Variants in LRRC56 observed in about 807,000 individuals in gnomAD.
LRRC56 encodes leucine-rich repeat-containing protein 56.
LRRC56 carries 41 observed loss-of-function variants against 47.8 expected under a neutral mutation model. The observed-to-expected ratio is 0.86, with a 90% CI of 0.67 to 1.11. The LOEUF is 1.11. Ranked by LOEUF, LRRC56 falls within the 50% of genes most tolerant of loss-of-function variation. The probability of loss-of-function intolerance (pLI) is 0.00; values close to 1 mark genes in which losing one functional copy is unlikely to be tolerated. For synonymous variants in LRRC56, 387 were observed against 311.2 expected, an observed-to-expected ratio of 1.24 and a Z score of -2.56; for missense variants, 759 against 704.2, an observed-to-expected ratio of 1.08 and a Z score of -0.88.
At chr11:518,862 G>T in the LRRC56 span, among the ~76,000 whole-genome samples, 194 of 151,926 alleles carry the variant, frequency 1.3e-3, 2 homozygotes, top group African/African-American at 4.5e-3. Flanking sequence ...GCGAGGCCGG[G>T]ACTCGGGCGC....
At chr11:540,598 T>C in intron 3 of LRRC56, 76 bp from the exon 4 acceptor site, 1 of 1,331,066 alleles carries the variant, frequency 7.5e-7, no homozygotes. Flanking sequence ...GGTTGAGGGC[T>C]GGGCCAGGGT....
Position 551,731 on chromosome 11 carries a change from T to C in LRRC56, c.877T>C (p.Trp293Arg), listed in dbSNP as rs1352990722. ...GACGCAGTCCCGGGCCTCCAGGCCC[T>C]GGCCCTTCTCCCTGCTGGTCCGTGG... Reference protein sequence around the residue: ...PETQSRASRPWPFSLLVRGGP... With the variant: ...PETQSRASRPRPFSLLVRGGP... The change falls in exon 10 of 14, where the codon TGG becomes CGG. Residue 293 changes from tryptophan (W) to arginine (R), a missense_variant. Coordinates refer to ENST00000270115, the MANE Select transcript of LRRC56 (RefSeq NM_198075.4). 1 of 1,611,456 alleles carries C rather than the reference T, an allele frequency of 6.2e-7. No homozygotes were observed. The highest frequency in any genetic ancestry group is 1.3e-5 in the African/African-American group (1 of 74,916).
the LRRC56 span, among the ~76,000 whole-genome samples, chr11:517,751 AAGAG>A: frequency 2.0e-5 from 3 of 152,174 alleles, no homozygotes; most frequent in Admixed American, 1.3e-4. Context: ...GGGGAAAAGA[AAGAG>A]AGGTCAGATT....
At chr11:547,872 A>C (rs578077633) in intron 6 of LRRC56, among the ~76,000 whole-genome samples, 41 of 152,242 alleles carry the variant, frequency 2.7e-4, no homozygotes, top group African/African-American at 8.7e-4. Context: ...TCACACCTGT[A>C]ATCCCAGCAC....
chr11:523,617 A>C, the LRRC56 span, among the ~76,000 whole-genome samples: 5 of 96,568 alleles, frequency 5.2e-5, no homozygotes, highest in African/African-American at 1.7e-4. Flanking sequence ...GGCAACAGAG[A>C]CTCCATCTAA....
chr11:518,616 CCCGGCCG>C, the LRRC56 span, among the ~76,000 whole-genome samples: 32 of 152,326 alleles, frequency 2.1e-4, no homozygotes, highest in African/African-American at 7.5e-4. Flanking sequence ...AGTCACCCTG[CCCGGCCG>C]CCTGTTCACT....
the LRRC56 span, among the ~76,000 whole-genome samples, chr11:515,324 C>T: frequency 6.6e-6 from 1 of 152,128 alleles, no homozygotes; most frequent in Non-Finnish European, 1.5e-5. Flanking sequence ...CTTCCTCAGA[C>T]GGGATATTTG....
the LRRC56 span, among the ~76,000 whole-genome samples, chr11:523,497 G>C: frequency 4.7e-4 from 72 of 151,738 alleles, no homozygotes; most frequent in Non-Finnish European, 7.7e-4. Flanking sequence ...CACGTGTGGT[G>C]GTGGGCACCC....
the LRRC56 span, among the ~76,000 whole-genome samples, chr11:509,500 C>T: frequency 5.3e-5 from 8 of 152,092 alleles, no homozygotes; most frequent in East Asian, 1.5e-3. Context: ...TGTGGCCGGG[C>T]CTCCCTCCTG....
At chr11:527,536 G>A in the LRRC56 span, among the ~76,000 whole-genome samples, 4 of 151,978 alleles carry the variant, frequency 2.6e-5, no homozygotes, top group African/African-American at 4.8e-5. Context: ...GTTTTGTTTA[G>A]TTTTGGTTTT....
intron 3 of LRRC56, among the ~76,000 whole-genome samples, chr11:540,330 G>A (rs1851729857): frequency 6.6e-6 from 1 of 152,200 alleles, no homozygotes; most frequent in Non-Finnish European, 1.5e-5. Context: ...CGGCACCCCA[G>A]GCTCACAGCC....
upstream of LRRC56, among the ~76,000 whole-genome samples, chr11:535,867 G>A (rs1466712609): frequency 6.6e-6 from 1 of 152,090 alleles, no homozygotes; most frequent in African/African-American, 2.4e-5. Context: ...GCTCTCCCGG[G>A]AACAGGCCGG....
At chr11:552,010 A>G (rs1255830113) in intron 11 of LRRC56, 43 bp downstream of exon 11, 1 of 1,610,920 alleles carries the variant, frequency 6.2e-7, no homozygotes, top group Admixed American at 1.7e-5. Flanking sequence ...ACCAGTGTCC[A>G]GGGTTGCGGC....
chr11:506,536 T>A, the LRRC56 span: 1 of 151,964 alleles, frequency 6.6e-6, no homozygotes, highest in Admixed American at 6.6e-5. Flanking sequence ...CCCCCGGTGG[T>A]CCCGGAGCGA....
At chr11:511,937 T>G in the LRRC56 span, among the ~76,000 whole-genome samples, 1 of 151,896 alleles carries the variant, frequency 6.6e-6, no homozygotes, top group African/African-American at 2.4e-5. Context: ...CTCAGTGAGG[T>G]TAGGAGGCGA....
In LRRC56 at chr11:554,565, G is replaced by T; in HGVS notation, c.*289G>T. Reference sequence around the variant, plus strand: ...CCCGCGGGCACGGGGGTGGGGGGTGGTCACCCGAGCAGGCCTGTGAGAGGC... The same window carrying T: ...CCCGCGGGCACGGGGGTGGGGGGTGTTCACCCGAGCAGGCCTGTGAGAGGC... On this transcript the variant is annotated 3_prime_UTR_variant, in exon 14 of 14. Coordinates refer to ENST00000270115, the MANE Select transcript of LRRC56 (RefSeq NM_198075.4). The T allele has an allele frequency of 2.4e-6, 1 of 414,846 alleles. No individual in the cohort carries two copies. Among genetic ancestry groups the T allele is most frequent in the Non-Finnish European group, 4.3e-6 (1 of 234,304 alleles). 25.7% of individuals were successfully genotyped at this position (414,846 alleles called of 1,614,324 possible).
upstream of LRRC56, chr11:533,986 G>A (rs770511125): frequency 5.7e-6 from 9 of 1,590,766 alleles, no homozygotes; most frequent in Non-Finnish European, 6.8e-6. Flanking sequence ...AGGACCTTCC[G>A]TGGGGGGAGT....
chr11:520,757 C>T, the LRRC56 span, among the ~76,000 whole-genome samples: 1 of 152,170 alleles, frequency 6.6e-6, no homozygotes, highest in South Asian at 2.1e-4. Flanking sequence ...GAGGCCTCTG[C>T]CGCCTGAGTT....
the LRRC56 span, among the ~76,000 whole-genome samples, chr11:531,187 C>T: frequency 1.8e-4 from 27 of 150,696 alleles, no homozygotes; most frequent in Non-Finnish European, 3.5e-4. Context: ...GTGTGGTGTT[C>T]GCTGGAGAGA....
Sources: gnomAD v4.1 joint callset for allele counts (sites outside exome capture counted in the v4.1 genomes callset) on GRCh38, gnomAD v4.1.1 for gene constraint, MANE v1.5 for transcripts, NCBI Gene and HGNC (gene_info 2026-07-23, HGNC 2026-07-21) for gene names.